RBFOX1: variants seen among roughly 807,000 people sequenced by gnomAD.
The protein encoded by RBFOX1 is RNA binding protein fox-1 homolog 1.
A neutral mutation model predicts 57.7 loss-of-function variants in RBFOX1; 8 were observed. That is an observed-to-expected ratio of 0.14 (90% CI 0.08 to 0.25). The LOEUF (loss-of-function observed/expected upper bound fraction) is 0.25. Among genes scored for constraint, RBFOX1 ranks in the 10% least tolerant of loss-of-function variants. The probability of loss-of-function intolerance (pLI) is 1.00; values close to 1 mark genes in which losing one functional copy is unlikely to be tolerated. For missense variants in RBFOX1, 611 were observed against 548.5 expected, an observed-to-expected ratio of 1.11 and a Z score of -1.14; for synonymous variants, 326 against 222.4, an observed-to-expected ratio of 1.47 and a Z score of -4.15.
chr16:7,396,197 C>T (rs1597379930), intron 4 of RBFOX1, among the ~76,000 whole-genome samples: 1 of 152,112 alleles, frequency 6.6e-6, no homozygotes, highest in South Asian at 2.1e-4. Context: ...GAGTTAGCAA[C>T]CCTCTGCTGT....
intron 1 of RBFOX1, among the ~76,000 whole-genome samples, chr16:6,192,239 G>A (rs1358024037): frequency 6.6e-6 from 1 of 152,132 alleles, no homozygotes; most frequent in Non-Finnish European, 1.5e-5. Context: ...TGGGTGTTGG[G>A]AGGGCATTCT....
At chr16:7,145,735 C>A (rs1290063051) in intron 4 of RBFOX1, among the ~76,000 whole-genome samples, 2 of 152,072 alleles carry the variant, frequency 1.3e-5, no homozygotes, top group Non-Finnish European at 2.9e-5. Flanking sequence ...TTGACATCTC[C>A]CAGTGGTATG....
intron 5 of RBFOX1, among the ~76,000 whole-genome samples, chr16:7,554,290 T>G (rs1411154471): frequency 1.3e-5 from 2 of 152,224 alleles, no homozygotes; most frequent in Admixed American, 1.3e-4. Context: ...TCTTCAACTA[T>G]CTTCCAAGGA....
intron 3 of RBFOX1, among the ~76,000 whole-genome samples, chr16:6,822,249 C>A (rs1295593711): frequency 6.6e-6 from 1 of 152,114 alleles, no homozygotes; most frequent in Non-Finnish European, 1.5e-5. Context: ...CCTTGAGTAT[C>A]AATGCTCAGT....
In RBFOX1 at chr16:5,946,812, A is replaced by C. The variant is rs1390167155; in HGVS notation, c.351+79477A>C. 6.6e-6 allele frequency among the ~76,000 whole-genome samples: 1 copy of C among 152,192 alleles called. No individual in the cohort carries two copies. The highest frequency in any genetic ancestry group is 1.5e-5 in the Non-Finnish European group (1 of 68,030). ...TCATGTCAGAATTGAACTGTAGGACACCCAGTTGGTGATGGCAGAGATTTG... is the reference window on the plus strand; with the variant it reads ...TCATGTCAGAATTGAACTGTAGGACCCCCAGTTGGTGATGGCAGAGATTTG... On this transcript the variant is annotated intron_variant, in intron 4 of 19. Coordinates refer to the RBFOX1 transcript ENST00000641259. The surrounding 1 kb of genome is among the most constrained non-coding windows in gnomAD (Gnocchi z 4.6).
chr16:6,859,419 T>A (rs1567595116), intron 3 of RBFOX1, among the ~76,000 whole-genome samples: 3 of 151,784 alleles, frequency 2.0e-5, no homozygotes. Flanking sequence ...CATAATTGAT[T>A]TTACTTGTCA....
intron 2 of RBFOX1, among the ~76,000 whole-genome samples, chr16:6,512,283 CAAAAA>C (rs565248640): frequency 2.3e-5 from 2 of 86,958 alleles, no homozygotes; most frequent in South Asian, 9.8e-4. Flanking sequence ...GACCCTGTAT[CAAAAA>C]AAAAAAAAAA....
chr16:7,523,080 C>T (rs1032394956), intron 5 of RBFOX1, among the ~76,000 whole-genome samples: 2 of 152,168 alleles, frequency 1.3e-5, no homozygotes, highest in African/African-American at 4.8e-5. Flanking sequence ...ATATCAGTAA[C>T]CTCAAACATT....
chr16:7,601,389 C>G (rs1322810329), intron 9 of RBFOX1, among the ~76,000 whole-genome samples: 1 of 152,102 alleles, frequency 6.6e-6, no homozygotes, highest in Non-Finnish European at 1.5e-5. Context: ...ATTTATAGCG[C>G]AGTAGTATTT....
chr16:5,848,331 T>G (rs1038455331), intron 3 of RBFOX1, among the ~76,000 whole-genome samples: 2 of 152,142 alleles, frequency 1.3e-5, no homozygotes, highest in Admixed American at 1.3e-4. Flanking sequence ...CAAAAACCGA[T>G]GTCTTGTTTT....
chr16:7,581,786 G>A (rs1033161993), intron 6 of RBFOX1, among the ~76,000 whole-genome samples: 4 of 152,074 alleles, frequency 2.6e-5, no homozygotes, highest in African/African-American at 7.2e-5. Flanking sequence ...GTGTGATCAC[G>A]GCTCACTGCA....
rs1032790775 is a variant in RBFOX1, at chr16:6,802,522, C to G, written c.-16+147872C>G. On this transcript the variant is annotated intron_variant, in intron 3 of 15. Transcript: ENST00000550418. ...CAAAACCCTGTCTCTACTTAAAATA[C>G]AAAAGTTACTCGGGCATGGTGGTGC... is the stretch of plus-strand genomic sequence containing the variant. Among the ~76,000 whole-genome samples the G allele has an allele frequency of 2.6e-5, 4 of 152,044 alleles. No individual in the cohort carries two copies. In the South Asian group the frequency reaches 6.2e-4, roughly 24 times the overall value.
chr16:7,283,684 T>C (rs2095593372), intron 4 of RBFOX1, among the ~76,000 whole-genome samples: 1 of 152,142 alleles, frequency 6.6e-6, no homozygotes, highest in South Asian at 2.1e-4. Flanking sequence ...GACTCTCATA[T>C]TGTTGCTTCT....
intron 3 of RBFOX1, among the ~76,000 whole-genome samples, chr16:5,682,245 C>A (rs2050364306): frequency 1.3e-5 from 2 of 152,212 alleles, no homozygotes; most frequent in Non-Finnish European, 2.9e-5. Context: ...AAATTTGCAT[C>A]CATTAAAAGC....
chr16:7,088,460 T>G (rs1364124188), intron 4 of RBFOX1, among the ~76,000 whole-genome samples: 1 of 152,202 alleles, frequency 6.6e-6, no homozygotes, highest in African/African-American at 2.4e-5. Flanking sequence ...TGAGAGTATA[T>G]TTTACAAGAT....
At chr16:7,655,299 C>G (rs775088475) in intron 12 of RBFOX1, among the ~76,000 whole-genome samples, 13 of 152,162 alleles carry the variant, frequency 8.5e-5, no homozygotes, top group Admixed American at 3.9e-4. Flanking sequence ...AAGACAAAGT[C>G]CATCAAATTT....
At chr16:7,110,225 C>T (rs1222696315) in intron 4 of RBFOX1, among the ~76,000 whole-genome samples, 1 of 150,236 alleles carries the variant, frequency 6.7e-6, no homozygotes, top group African/African-American at 2.5e-5. Flanking sequence ...CCAGGTGTGG[C>T]ACCACCCTCG....
chr16:5,411,056 T>A (rs58462056), intron 1 of RBFOX1, among the ~76,000 whole-genome samples: 4,574 of 152,294 alleles, frequency 0.03, 212 homozygotes, highest in African/African-American at 0.096. Flanking sequence ...TCCTCCATAG[T>A]GGGCTGAAAC....
intron 4 of RBFOX1, among the ~76,000 whole-genome samples, chr16:7,368,646 G>A (rs955065295): frequency 2.6e-5 from 4 of 151,938 alleles, no homozygotes; most frequent in African/African-American, 9.7e-5. Flanking sequence ...CAGGCGTGGT[G>A]GCGGGCACCT....
Sources: allele counts gnomAD v4.1 joint callset (sites outside exome capture counted in the v4.1 genomes callset), GRCh38; gene constraint gnomAD v4.1.1; non-coding constraint Gnocchi (gnomAD v3.1); transcripts MANE v1.5; gene names NCBI Gene and HGNC (gene_info 2026-07-23, HGNC 2026-07-21).